The following TBXT variants were observed in gnomAD, a reference collection of about 807,000 sequenced individuals.
TBXT encodes the protein T-box transcription factor T.
TBXT carries 19 observed loss-of-function variants against 41.1 expected under a neutral mutation model. The ratio of observed to expected loss-of-function variants is 0.46; its 90% confidence interval spans 0.32 to 0.68. The LOEUF is 0.68. Among genes scored for constraint, TBXT ranks in the 30% least tolerant of loss-of-function variants. The pLI is 0.03. For missense variants in TBXT, 536 were observed against 582.0 expected, an observed-to-expected ratio of 0.92 and a Z score of 0.81; for synonymous variants, 213 against 238.9, an observed-to-expected ratio of 0.89 and a Z score of 1.00.
In TBXT at chr6:166,164,586, A is replaced by G; in HGVS notation, c.730+19T>C. 6.2e-7 allele frequency: 1 copy of G among 1,614,126 alleles called. No individual in the cohort carries two copies. On this transcript the variant is annotated intron_variant, in intron 5 of 7. Coordinates refer to ENST00000366876, the MANE Select transcript of TBXT (RefSeq NM_001366285.2). Reference sequence around the variant, plus strand: ...TCCCGATGACGCAGAATGACATGACAGAGTGCAACAAACCGTACATTGGGA... The same window carrying G: ...TCCCGATGACGCAGAATGACATGACGGAGTGCAACAAACCGTACATTGGGA...
chr6:166,167,894 C>G (rs1325711443), upstream of TBXT: 1 of 492,158 alleles, frequency 2.0e-6, no homozygotes, highest in East Asian at 3.7e-5. Flanking sequence ...AGAGCCGCGG[C>G]GGCAGCGCTG....
upstream of TBXT, chr6:166,167,886 A>C: frequency 2.0e-6 from 1 of 489,570 alleles, no homozygotes; most frequent in Non-Finnish European, 3.7e-6. Context: ...CCATAAATAG[A>C]GCCGCGGCGG....
Position 166,166,808 on chromosome 6 carries a change from G to T in TBXT, c.255C>A (p.Asn85Lys), listed in dbSNP as rs1403111221. 6.2e-7 allele frequency: 1 copy of T among 1,613,898 alleles called. No individual in the cohort carries two copies. The highest frequency in any genetic ancestry group is 8.5e-7 in the Non-Finnish European group (1 of 1,180,050). ...LKVNVSGLDP[N>K]AMYSFLLDFV... Reference sequence around the variant, plus strand: ...AGTCCAGCAGGAAGGAGTACATGGCGTTGGGGTCCAGGCCAGACACGTTCA... The same window carrying T: ...AGTCCAGCAGGAAGGAGTACATGGCTTTGGGGTCCAGGCCAGACACGTTCA... The change falls in exon 2 of 8, where the codon AAC becomes AAA. Residue 85 changes from asparagine to lysine, a missense_variant. Asn to Lys is a moderately conservative substitution (Grantham distance 94). Transcript: ENST00000366876.
intron 3 of TBXT, among the ~76,000 whole-genome samples, 183 bp downstream of exon 3, chr6:166,165,523 G>C (rs1420111112): frequency 6.6e-6 from 1 of 152,136 alleles, no homozygotes; most frequent in Non-Finnish European, 1.5e-5. Flanking sequence ...TGTTTGAATG[G>C]GGACTTAATT....
At chr6:166,159,950 G>A (rs3127332) in intron 7 of TBXT, among the ~76,000 whole-genome samples, 116,361 of 151,858 alleles carry the variant, frequency 0.77, 44,885 homozygotes, top group East Asian at 0.89. Flanking sequence ...GTTTCTAACC[G>A]CGGGCAATTG....
Position 166,166,771 on chromosome 6 carries a change from C to G in TBXT, c.292G>C (p.Asp98His), listed in dbSNP as rs1407388818. 6.2e-7 allele frequency: 1 copy of G among 1,613,694 alleles called. No individual in the cohort carries two copies. Among genetic ancestry groups the G allele is most frequent in the Non-Finnish European group, 8.5e-7 (1 of 1,180,058 alleles). ...YSFLLDFVAA[D>H]NHRWKYVNGE... ...TTCACGTACTTCCAGCGGTGGTTGTCCGCCGCCACGAAGTCCAGCAGGAAG... is the reference window on the plus strand; with the variant it reads ...TTCACGTACTTCCAGCGGTGGTTGTGCGCCGCCACGAAGTCCAGCAGGAAG... The change falls in exon 2 of 8, where the codon GAC becomes CAC. Residue 98 changes from aspartate to histidine, a missense_variant. Transcript: ENST00000366876.
In TBXT at chr6:166,166,578, C is replaced by G; in HGVS notation, c.471+14G>C. The G allele has an allele frequency of 6.2e-7, 1 of 1,613,724 alleles. No individual in the cohort carries two copies. The highest frequency in any genetic ancestry group is 8.5e-7 in the Non-Finnish European group (1 of 1,179,906). On this transcript the variant is annotated intron_variant, in intron 2 of 7. Transcript: ENST00000366876. Reference sequence around the variant, plus strand: ...CCTCGCTGGTCCCAGACCTGGCGGGCTCCTCACACCTACCTGGCCCCCTCC... The same window carrying G: ...CCTCGCTGGTCCCAGACCTGGCGGGGTCCTCACACCTACCTGGCCCCCTCC...
At chr6:166,161,844 A>C (rs1291152097) in intron 6 of TBXT, among the ~76,000 whole-genome samples, 1 of 152,182 alleles carries the variant, frequency 6.6e-6, no homozygotes, top group Admixed American at 6.5e-5. Flanking sequence ...AATGGCGTGA[A>C]CCCGAGAGGC....
At chr6:166,160,315 G>C (rs1412450006) in intron 7 of TBXT, among the ~76,000 whole-genome samples, 1 of 152,036 alleles carries the variant, frequency 6.6e-6, no homozygotes, top group Non-Finnish European at 1.5e-5. Context: ...TAAAGACTTC[G>C]AGCCTGTATC....
chr6:166,161,943 G>A (rs981131028), intron 6 of TBXT, among the ~76,000 whole-genome samples: 8 of 152,162 alleles, frequency 5.3e-5, no homozygotes, highest in Admixed American at 2.0e-4. Context: ...ACACATTGCC[G>A]GGCCCCACCA....
chr6:166,165,500 T>C (rs965221079), intron 3 of TBXT, among the ~76,000 whole-genome samples: 19 of 152,240 alleles, frequency 1.2e-4, no homozygotes, highest in African/African-American at 4.6e-4. Flanking sequence ...GTATGGAGAA[T>C]TCAAGGGGAA....
At chr6:166,164,014 A>G (rs1716198932) in intron 5 of TBXT, among the ~76,000 whole-genome samples, 1 of 152,212 alleles carries the variant, frequency 6.6e-6, no homozygotes, top group Admixed American at 6.5e-5. Flanking sequence ...AATATCTCCA[A>G]GTCCCTTCCC....
chr6:166,166,688 G>A lies in TBXT; in HGVS notation c.375C>T (p.Ile125=). ...PEPQAPSCVY[I]HPDSPNFGAH... is the part of the protein sequence containing the mutation. The stretch of plus-strand genomic sequence containing the variant: ...CCCCGAAGTTGGGCGAGTCGGGGTG[G>A]ATGTAGACGCAGCTGGGCGCCTGCG... The change falls in exon 2 of 8, where the codon ATC becomes ATT. Residue 125 remains isoleucine, a synonymous_variant. Coordinates refer to ENST00000366876, the MANE Select transcript of TBXT (RefSeq NM_001366285.2). 3 of 1,614,042 alleles carry A rather than the reference G, an allele frequency of 1.9e-6. No individual in the cohort carries two copies. Among genetic ancestry groups the A allele is most frequent in the Non-Finnish European group, 2.5e-6 (3 of 1,180,038 alleles).
intron 6 of TBXT, 124 bp downstream of exon 6, chr6:166,162,323 C>T (rs1778982712): frequency 9.1e-7 from 1 of 1,095,762 alleles, no homozygotes; most frequent in East Asian, 2.4e-5. Flanking sequence ...AAAAACTGGG[C>T]TTGGGTATGT....
chr6:166,160,783 A>C, intron 7 of TBXT, 54 bp downstream of exon 7: 1 of 1,610,784 alleles, frequency 6.2e-7, no homozygotes, highest in Non-Finnish European at 8.5e-7. Context: ...AACAGCGTGA[A>C]GTCACAGGCA....
rs995738563 is a variant in TBXT, at chr6:166,164,595, C to T, written c.730+10G>A. 5.0e-6 allele frequency: 8 copies of T among 1,614,078 alleles called. No homozygotes were observed. Among genetic ancestry groups the T allele is most frequent in the Non-Finnish European group, 6.8e-6 (8 of 1,180,028 alleles). ...CGCAGAATGACATGACAGAGTGCAA[C>T]AAACCGTACATTGGGAGTACCCAGG... On this transcript the variant is annotated intron_variant, in intron 5 of 7. Transcript: ENST00000366876.
intron 5 of TBXT, 100 bp from the exon 6 acceptor site, chr6:166,162,723 G>A: frequency 1.1e-6 from 1 of 883,288 alleles, no homozygotes; most frequent in Non-Finnish European, 1.8e-6. Flanking sequence ...TCACTCCAGA[G>A]AGCAGAGCCC....
chr6:166,162,470 T>A lies in TBXT; in HGVS notation c.884A>T (p.Tyr295Phe), dbSNP rs770375711. Residue 295 changes from tyrosine (Y) to phenylalanine (F), a missense_variant, in exon 6 of 8, where the codon TAT (tyrosine) becomes TTT (phenylalanine). By Grantham distance (22) the Tyr-to-Phe change is conservative. Coordinates refer to ENST00000366876, the MANE Select transcript of TBXT (RefSeq NM_001366285.2). ...SHRSSPYPSP[Y>F]AHRNNSPTYS... ...ACTTGGAGAATTGTTCCGATGAGCATAGGGGCTGGGGTAGGGTGAGGACCG... is the reference window on the plus strand; with the variant it reads ...ACTTGGAGAATTGTTCCGATGAGCAAAGGGGCTGGGGTAGGGTGAGGACCG... The A allele has an allele frequency of 1.5e-5, 25 of 1,613,966 alleles. No individual in the cohort carries two copies. Among genetic ancestry groups the A allele is most frequent in the Non-Finnish European group, 2.1e-5 (25 of 1,179,982 alleles).
chr6:166,162,901 G>A lies in TBXT; in HGVS notation c.731-278C>T, dbSNP rs373013178. Among the ~76,000 whole-genome samples the A allele has an allele frequency of 5.3e-4, 80 of 152,240 alleles. No homozygotes were observed. The East Asian group carries it at 0.012, about 22-fold the overall frequency. The stretch of plus-strand genomic sequence containing the variant: ...ACCTTCCCCTCAGGGGCCCCTGATG[G>A]GGGAAGCACCCTGAGTGTCTCATAC... On this transcript the variant is annotated intron_variant, in intron 5 of 7. Transcript: ENST00000366876.
Sources: allele counts gnomAD v4.1 joint callset (sites outside exome capture counted in the v4.1 genomes callset), GRCh38; gene constraint gnomAD v4.1.1; transcripts MANE v1.5; gene names NCBI Gene and HGNC (gene_info 2026-07-23, HGNC 2026-07-21).